The following ATRN variants were observed in gnomAD, a reference collection of about 807,000 sequenced individuals.
The protein encoded by ATRN is attractin, also known as attractin-2.
ATRN carries 54 observed loss-of-function variants against 178.7 expected under a neutral mutation model. That is an observed-to-expected ratio of 0.30 (90% CI 0.24 to 0.38). The LOEUF is 0.38. Ranked by LOEUF, ATRN falls within the 10% of genes least tolerant of loss-of-function variation. The pLI, the probability that ATRN is intolerant of heterozygous loss-of-function variation, is 1.00. For missense variants in ATRN, 1,443 were observed against 1,815.1 expected, an observed-to-expected ratio of 0.79 and a Z score of 3.73; for synonymous variants, 636 against 663.0, an observed-to-expected ratio of 0.96 and a Z score of 0.63.
chr20:3,583,529 C>G (rs1278920642), intron 16 of ATRN, among the ~76,000 whole-genome samples: 1 of 152,210 alleles, frequency 6.6e-6, no homozygotes, highest in East Asian at 1.9e-4. Flanking sequence ...AAAGTCTTGG[C>G]TGGGCACAGT....
At position 3,549,153 on chromosome 20, in the gene ATRN, C is replaced by A. The variant is rs1279899511; in HGVS notation, c.944-17C>A. 1.3e-6 allele frequency: 2 copies of A among 1,562,420 alleles called. No individual in the cohort carries two copies. Among genetic ancestry groups the A allele is most frequent in the Non-Finnish European group, 8.6e-7 (1 of 1,160,748 alleles). ...AAAGCTGTCTTTTGTGAAGCTAATT[C>A]ATTATGTTTTTATTAGGTCCTGGAT... is the stretch of plus-strand genomic sequence containing the variant. On this transcript the variant is annotated splice_polypyrimidine_tract_variant and intron_variant, in intron 5 of 28. Transcript: ENST00000262919.
chr20:3,610,742 C>CTTTTTTTTT (rs71195847), intron 24 of ATRN, among the ~76,000 whole-genome samples: 1 of 65,272 alleles, frequency 1.5e-5, no homozygotes. Context: ...CTGGCTAATT[C>CTTTTTTTTT]TTTTTTTTTT....
intron 1 of ATRN, among the ~76,000 whole-genome samples, chr20:3,488,085 A>G (rs1333940398): frequency 6.6e-6 from 1 of 152,038 alleles, no homozygotes; most frequent in Non-Finnish European, 1.5e-5. Flanking sequence ...GTTGGCTAAC[A>G]TGTTCCCTGC....
At chr20:3,542,626 C>A in intron 3 of ATRN, among the ~76,000 whole-genome samples, 1 of 108,416 alleles carries the variant, frequency 9.2e-6, no homozygotes, top group South Asian at 3.3e-4. Flanking sequence ...TCCCCTTTTC[C>A]TTCCCTTCCC....
At chr20:3,561,357 A>G (rs946660975) in intron 8 of ATRN, among the ~76,000 whole-genome samples, 1 of 152,024 alleles carries the variant, frequency 6.6e-6, no homozygotes, top group African/African-American at 2.4e-5. Flanking sequence ...CAAAAGCAAC[A>G]TAGTTAACAT....
At chr20:3,590,068 G>A (rs1048107624) in intron 18 of ATRN, among the ~76,000 whole-genome samples, 2 of 152,132 alleles carry the variant, frequency 1.3e-5, no homozygotes, top group South Asian at 2.1e-4. Flanking sequence ...TCCTGCCTCA[G>A]CCTCCCAAGT....
chr20:3,489,883 G>A (rs866451944), intron 1 of ATRN: 1 of 1,295,536 alleles, frequency 7.7e-7, no homozygotes. Flanking sequence ...TCCCAGCCAA[G>A]TGGCAGGTTT....
chr20:3,512,120 ATTATAC>A (rs1198137232), intron 1 of ATRN, among the ~76,000 whole-genome samples: 16 of 56,204 alleles, frequency 2.8e-4, no homozygotes, highest in Admixed American at 8.9e-4. Flanking sequence ...TTTTTTTTTT[ATTATAC>A]TTTAAGTTCT....
intron 22 of ATRN, among the ~76,000 whole-genome samples, chr20:3,599,048 A>G (rs958471213): frequency 3.9e-5 from 6 of 152,206 alleles, no homozygotes; most frequent in African/African-American, 9.6e-5. Flanking sequence ...TTAATATTCT[A>G]TTTCAAAGAT....
At chr20:3,634,207 G>C in intron 25 of ATRN, 104 bp from the exon 26 acceptor site, 2 of 939,496 alleles carry the variant, frequency 2.1e-6, no homozygotes, top group Non-Finnish European at 1.7e-6. Flanking sequence ...GAGCCCGGAG[G>C]TGGCATGTGG....
rs2084415343 is a variant in ATRN, at chr20:3,471,257, G to GCGGCTGCTGTCTCCACCGCTGCGGCCA, written c.160_186dup (p.Ser54_Leu62dup). The GCGGCTGCTGTCTCCACCGCTGCGGCCA allele has an allele frequency of 4.8e-6, 7 of 1,444,952 alleles. No individual in the cohort carries two copies. The South Asian group carries it at 9.8e-5, about 20-fold the overall frequency. The allele number at this position is 1,444,952 out of a possible 1,614,324, so 89.5% of individuals were successfully genotyped here. The stretch of plus-strand genomic sequence containing the variant: ...GGCTGGGGGCCGGGCTGCGCCTCCC[G>GCGGCTGCTGTCTCCACCGCTGCGGCCA]CGGCTGCTGTCTCCACCGCTGCGGC... On this transcript the variant is annotated inframe_insertion, in exon 1 of 29. Coordinates refer to ENST00000262919, the MANE Select transcript of ATRN (RefSeq NM_139321.3).
In ATRN at chr20:3,515,880, AAC is replaced by A. The variant is rs1285832401; in HGVS notation, c.411-19372_411-19371del. On this transcript the variant is annotated intron_variant, in intron 1 of 28. Transcript: ENST00000262919. ...GACGATGCAACTCTGAATGGGCTTA[AAC>A]CATTTATCCTTTGTAACTAGAGGAG... Among the ~76,000 whole-genome samples the A allele has an allele frequency of 3.3e-5, 5 of 152,286 alleles. No individual in the cohort carries two copies. In the East Asian group the frequency reaches 9.6e-4, roughly 29 times the overall value.
chr20:3,582,495 C>A, intron 16 of ATRN, 141 bp downstream of exon 16: 1 of 774,514 alleles, frequency 1.3e-6, no homozygotes, highest in Non-Finnish European at 2.1e-6. Flanking sequence ...AAGAGTATAA[C>A]CCAGATTTCA....
At chr20:3,485,556 A>T (rs1325933065) in intron 1 of ATRN, among the ~76,000 whole-genome samples, 1 of 129,832 alleles carries the variant, frequency 7.7e-6, no homozygotes, top group Non-Finnish European at 1.6e-5. Flanking sequence ...TTTGGCCATG[A>T]TATGTTTTTT....
At chr20:3,582,886 T>G (rs1183237420) in intron 16 of ATRN, among the ~76,000 whole-genome samples, 1 of 151,968 alleles carries the variant, frequency 6.6e-6, no homozygotes, top group African/African-American at 2.4e-5. Flanking sequence ...ACACTCGGAG[T>G]AGCTTCCCAG....
intron 24 of ATRN, among the ~76,000 whole-genome samples, chr20:3,611,640 A>G (rs549137540): frequency 5.9e-5 from 9 of 152,258 alleles, no homozygotes; most frequent in Middle Eastern, 6.8e-3. Flanking sequence ...TACTCAGGAT[A>G]CTGAGGCAGG....
intron 19 of ATRN, among the ~76,000 whole-genome samples, chr20:3,591,533 T>C (rs1396081861): frequency 6.6e-6 from 1 of 152,176 alleles, no homozygotes; most frequent in Non-Finnish European, 1.5e-5. Context: ...TTTGACCACA[T>C]TCTGCAGTGG....
chr20:3,641,749 C>T lies in ATRN; in HGVS notation c.4051-2405C>T, dbSNP rs184005338. ...AATAGTGTGCCCAGTAAGCACCTTCCGAGAACAAGGATGAAATAAAGATAT... is the reference window on the plus strand; with the variant it reads ...AATAGTGTGCCCAGTAAGCACCTTCTGAGAACAAGGATGAAATAAAGATAT... On this transcript the variant is annotated intron_variant, in intron 27 of 28. Coordinates refer to ENST00000262919, the MANE Select transcript of ATRN (RefSeq NM_139321.3). Among the ~76,000 whole-genome samples the T allele has an allele frequency of 4.6e-5, 7 of 151,730 alleles. No individual in the cohort carries two copies. The East Asian group carries it at 1.4e-3, about 29-fold the overall frequency.
At chr20:3,554,305 T>TTTTATCTATTTA (rs1555815683) in intron 6 of ATRN, among the ~76,000 whole-genome samples, 1 of 139,180 alleles carries the variant, frequency 7.2e-6, no homozygotes, top group African/African-American at 2.7e-5. Context: ...GATTACAGAT[T>TTTTATCTATTTA]TTTATTTATT....
Sources: allele counts gnomAD v4.1 joint callset (sites outside exome capture counted in the v4.1 genomes callset), GRCh38; gene constraint gnomAD v4.1.1; transcripts MANE v1.5; gene names NCBI Gene and HGNC (gene_info 2026-07-23, HGNC 2026-07-21).